PCDHGA4: variants seen among roughly 807,000 people sequenced by gnomAD.
PCDHGA4 encodes protocadherin gamma subfamily A, 4, also known as protocadherin gamma-A4.
PCDHGA4 carries 38 observed loss-of-function variants against 54.6 expected under a neutral mutation model. The ratio of observed to expected loss-of-function variants is 0.70; its 90% CI spans 0.54 to 0.91. PCDHGA4 has a LOEUF of 0.91. Ranked by LOEUF, PCDHGA4 falls within the 40% of genes least tolerant of loss-of-function variation. The probability of loss-of-function intolerance (pLI) is 0.00; values close to 1 mark genes in which losing one functional copy is unlikely to be tolerated. For missense variants in PCDHGA4, 1,298 were observed against 1,220.9 expected (o/e 1.06, Z -0.94); for synonymous variants, 511 against 512.9 (o/e 1.00, Z 0.05).
chr5:141,375,164 C>A (rs374150026), intron 1 of PCDHGA4: 3 of 1,613,840 alleles, frequency 1.9e-6, no homozygotes, highest in African/African-American at 1.3e-5. Flanking sequence ...TGAAAGTGCA[C>A]CTCCAGGAAC....
At chr5:141,395,186 G>A in intron 1 of PCDHGA4, 1 of 1,614,086 alleles carries the variant, frequency 6.2e-7, no homozygotes, top group Non-Finnish European at 8.5e-7. Flanking sequence ...ATGATTCTTT[G>A]TTAACATCCG....
intron 1 of PCDHGA4, chr5:141,393,024 A>G (rs755325492): frequency 6.2e-7 from 1 of 1,613,834 alleles, no homozygotes; most frequent in East Asian, 2.2e-5. Context: ...CTCCAGAGGT[A>G]GGACGCAGCT....
At chr5:141,372,966 C>T (rs1024382365) in intron 1 of PCDHGA4, 3 of 687,330 alleles carry the variant, frequency 4.4e-6, no homozygotes, top group Non-Finnish European at 7.0e-6. Context: ...TGTAGAATTT[C>T]CTGTAGAATA....
chr5:141,364,265 C>T (rs1763247589), intron 1 of PCDHGA4: 3 of 1,511,160 alleles, frequency 2.0e-6, no homozygotes, highest in East Asian at 2.3e-5. Context: ...TACCCATCGG[C>T]TTTAGATAAA....
At chr5:141,423,006 T>G (rs746057587) in intron 1 of PCDHGA4, 12 of 1,614,078 alleles carry the variant, frequency 7.4e-6, no homozygotes, top group African/African-American at 1.3e-5. Context: ...CCAAGGTGGT[T>G]GCGGTGGACA....
rs186292704 is a variant in PCDHGA4 at position 141,490,783 on chromosome 5, C to T, written c.2515-4024C>T. ...TGTGTATGTCAACCCAGAGGATGGA[C>T]GGATCTTTGCCCAGCGTACCTTTGA... On this transcript the variant is annotated intron_variant, in intron 1 of 3. Transcript: ENST00000571252. The surrounding 1 kb of genome is among the most constrained non-coding windows in gnomAD (Gnocchi z 5.4). The T allele has an allele frequency of 8.1e-6, 13 of 1,614,024 alleles. 1 individual carries two copies. Among genetic ancestry groups the T allele is most frequent in the Middle Eastern group, 3.3e-4 (2 of 6,062 alleles).
At position 141,512,346 on chromosome 5, in the gene PCDHGA4, G is replaced by A. The variant is rs1391003897; in HGVS notation, c.*1173G>A. ...CAGGCCATTCTTAGTCCCTGGGTTG[G>A]GGAGGCAGGGAGCTAGGGCAGGGAC... On this transcript the variant is annotated 3_prime_UTR_variant, in exon 4 of 4. Transcript: ENST00000571252. 6.5e-6 allele frequency: 1 copy of A among 152,876 alleles called. No individual in the cohort carries two copies. Among genetic ancestry groups the A allele is most frequent in the Non-Finnish European group, 1.5e-5 (1 of 68,232 alleles). 9.5% of individuals were successfully genotyped at this position (152,876 alleles called of 1,614,324 possible). A position where few individuals can be genotyped will look rare whatever the true frequency, so the allele number is the denominator to read the frequency against.
chr5:141,383,097 C>T, intron 1 of PCDHGA4: 1 of 1,613,998 alleles, frequency 6.2e-7, no homozygotes, highest in Non-Finnish European at 8.5e-7. Context: ...GAGTCCGCAT[C>T]ATCTCCAGAG....
At chr5:141,506,351 A>G (rs1029519620) in intron 3 of PCDHGA4, among the ~76,000 whole-genome samples, 2 of 150,784 alleles carry the variant, frequency 1.3e-5, no homozygotes, top group African/African-American at 4.9e-5. Context: ...TGGGAGGCTG[A>G]GGCAGGAGAA....
chr5:141,420,252 C>G (rs745697672), intron 1 of PCDHGA4: 2 of 1,576,604 alleles, frequency 1.3e-6, no homozygotes, highest in Non-Finnish European at 1.7e-6. Flanking sequence ...AGCGTTGAAG[C>G]AGATAAGAAG....
In PCDHGA4 at chr5:141,356,895, C is replaced by T; in HGVS notation, c.1788C>T (p.Pro596=). 6.2e-7 allele frequency: 1 copy of T among 1,614,228 alleles called. No homozygotes were observed. Residue 596 remains proline (P), a synonymous_variant, in exon 1 of 4, where the codon CCC becomes CCT. Transcript: ENST00000571252. Reference sequence around the variant, plus strand: ...ACAATGTCCCTGAGATCCTGTACCCCACCTTCCCTACTGATGGCTCCACTG... The same window carrying T: ...ACAATGTCCCTGAGATCCTGTACCCTACCTTCCCTACTGATGGCTCCACTG... The part of the protein sequence containing the change: ...QNDNVPEILY[P]TFPTDGSTGV...
chr5:141,368,390 C>T (rs1290377488), intron 1 of PCDHGA4, among the ~76,000 whole-genome samples: 1 of 152,100 alleles, frequency 6.6e-6, no homozygotes, highest in Non-Finnish European at 1.5e-5. Flanking sequence ...CATACACACA[C>T]ACAAACACAC....
chr5:141,400,965 CTCTT>C (rs2094096418), intron 1 of PCDHGA4, among the ~76,000 whole-genome samples: 1 of 151,032 alleles, frequency 6.6e-6, no homozygotes, highest in Non-Finnish European at 1.5e-5. Flanking sequence ...TAGTTTTCAT[CTCTT>C]TCTTATGTTC....
chr5:141,435,951 G>A (rs371199258), intron 1 of PCDHGA4, among the ~76,000 whole-genome samples: 1 of 152,100 alleles, frequency 6.6e-6, no homozygotes, highest in Non-Finnish European at 1.5e-5. Context: ...ACCAAAAAAG[G>A]GGGCAAAATA....
rs368153419 is a variant in PCDHGA4 at position 141,476,458 on chromosome 5, C to T, written c.2515-18349C>T. 1 of 1,614,044 alleles carries T rather than the reference C, an allele frequency of 6.2e-7. No homozygotes were observed. Among genetic ancestry groups the T allele is most frequent in the Non-Finnish European group, 8.5e-7 (1 of 1,180,014 alleles). On this transcript the variant is annotated intron_variant, in intron 1 of 3. Coordinates refer to ENST00000571252, the MANE Select transcript of PCDHGA4 (RefSeq NM_018917.4). The surrounding 1 kb of genome is among the most constrained non-coding windows in gnomAD (Gnocchi z 7.6). ...TAACTCTGGAGTTGGTAGTGGAGAA[C>T]CCGCTGGAGCTGTTCAGCGTGGAAG...
rs756706355 is a variant in PCDHGA4 at position 141,486,950 on chromosome 5, G to A, written c.2515-7857G>A. On this transcript the variant is annotated intron_variant, in intron 1 of 3. Transcript: ENST00000571252. This position sits in a 1 kb window ranked among gnomAD's most constrained non-coding sequence, Gnocchi z 5.0. The stretch of plus-strand genomic sequence containing the variant: ...TGGTGCTGGCCACCTAATCACAAAG[G>A]TGACTGCTGTGGACTTGGATTCAGG... 2 of 1,614,202 alleles carry A rather than the reference G, an allele frequency of 1.2e-6. No homozygotes were observed. The highest frequency in any genetic ancestry group is 1.7e-6 in the Non-Finnish European group (2 of 1,180,044).
chr5:141,394,458 A>T, intron 1 of PCDHGA4: 1 of 1,614,218 alleles, frequency 6.2e-7, no homozygotes, highest in Non-Finnish European at 8.5e-7. Context: ...CATGTCACTG[A>T]GCCTGTTCGT....
chr5:141,430,997 C>T, intron 1 of PCDHGA4: 1 of 1,613,926 alleles, frequency 6.2e-7, no homozygotes, highest in Non-Finnish European at 8.5e-7. Context: ...CCTGAATCCG[C>T]GCAGCGGCAG....
At chr5:141,389,939 G>A in intron 1 of PCDHGA4, 1 of 1,614,082 alleles carries the variant, frequency 6.2e-7, no homozygotes, top group Non-Finnish European at 8.5e-7. Context: ...TCCAGGCTGA[G>A]CTGCAGTTTT....
Sources: allele counts gnomAD v4.1 joint callset (sites outside exome capture counted in the v4.1 genomes callset), GRCh38; gene constraint gnomAD v4.1.1; non-coding constraint Gnocchi (gnomAD v3.1); transcripts MANE v1.5; gene names NCBI Gene and HGNC (gene_info 2026-07-23, HGNC 2026-07-21).